Variants in ERP27 observed in about 807,000 individuals in gnomAD.
The protein encoded by ERP27 is endoplasmic reticulum resident protein 27.
A neutral mutation model predicts 27.7 loss-of-function variants in ERP27; 23 were observed. The observed-to-expected ratio is 0.83, with a 90% confidence interval of 0.60 to 1.18. The LOEUF is 1.18. Among genes scored for constraint, ERP27 ranks in the 50% most tolerant of loss-of-function variants. The pLI, the probability that ERP27 is intolerant of heterozygous loss-of-function variation, is 0.00. For missense variants in ERP27, 363 were observed against 327.9 expected, an observed-to-expected ratio of 1.11 and a Z score of -0.83; for synonymous variants, 159 against 118.3, an observed-to-expected ratio of 1.34 and a Z score of -2.23.
At chr12:14,921,394 T>C (rs1863501511) in intron 3 of ERP27, among the ~76,000 whole-genome samples, 2 of 152,170 alleles carry the variant, frequency 1.3e-5, no homozygotes, top group African/African-American at 4.8e-5. Flanking sequence ...GAACAGCATA[T>C]GAAAATACTG....
intron 3 of ERP27, among the ~76,000 whole-genome samples, chr12:14,934,182 C>T (rs572452979): frequency 5.2e-4 from 79 of 152,188 alleles, no homozygotes; most frequent in Non-Finnish European, 6.8e-4. Context: ...AGTTTTTTCC[C>T]GTTGGCCATG....
chr12:14,933,733 G>T (rs888242595), intron 3 of ERP27, among the ~76,000 whole-genome samples: 5 of 152,060 alleles, frequency 3.3e-5, no homozygotes, highest in Admixed American at 6.6e-5. Context: ...CCCTATTTCT[G>T]CACATGACCT....
intron 3 of ERP27, among the ~76,000 whole-genome samples, chr12:14,932,507 G>A (rs1255631881): frequency 6.6e-6 from 1 of 152,204 alleles, no homozygotes; most frequent in Non-Finnish European, 1.5e-5. Flanking sequence ...AAAGCCCAGG[G>A]TGGAAGCTGG....
chr12:14,936,869 G>T (rs11056247), intron 2 of ERP27, among the ~76,000 whole-genome samples: 50,743 of 151,858 alleles, frequency 0.33, 8,810 homozygotes, highest in Middle Eastern at 0.42. Flanking sequence ...ATCCAGTTTT[G>T]GGTATGTCTT....
At chr12:14,923,028 C>T (rs935084665) in intron 3 of ERP27, among the ~76,000 whole-genome samples, 2 of 146,696 alleles carry the variant, frequency 1.4e-5, no homozygotes, top group South Asian at 2.1e-4. Context: ...GAGCCGAGAA[C>T]GTGCCATTGC....
At chr12:14,920,187 T>C (rs188372835) in intron 4 of ERP27, among the ~76,000 whole-genome samples, 1 of 152,318 alleles carries the variant, frequency 6.6e-6, no homozygotes, top group African/African-American at 2.4e-5. Context: ...TAGAAAGTGT[T>C]AGAAGTCCAT....
intron 3 of ERP27, among the ~76,000 whole-genome samples, chr12:14,933,455 G>A (rs1863727616): frequency 6.6e-6 from 1 of 152,146 alleles, no homozygotes; most frequent in African/African-American, 2.4e-5. Context: ...TGGAAGCCAT[G>A]CAGACCTGGA....
At chr12:14,925,177 C>G (rs548213813) in intron 3 of ERP27, among the ~76,000 whole-genome samples, 9 of 152,296 alleles carry the variant, frequency 5.9e-5, no homozygotes, top group South Asian at 4.1e-4. Context: ...TGAATTCTTT[C>G]TTTCGCAAGA....
At chr12:14,931,575 G>A (rs1311708823) in intron 3 of ERP27, among the ~76,000 whole-genome samples, 1 of 152,232 alleles carries the variant, frequency 6.6e-6, no homozygotes, top group East Asian at 1.9e-4. Flanking sequence ...GCCCACAGAG[G>A]TCCCAAGAGT....
At chr12:14,924,039 C>T (rs1470725011) in intron 3 of ERP27, among the ~76,000 whole-genome samples, 5 of 152,150 alleles carry the variant, frequency 3.3e-5, no homozygotes, top group South Asian at 2.1e-4. Flanking sequence ...CTTCCCCCTC[C>T]GCTCCCCAGC....
chr12:14,920,850 G>A, intron 4 of ERP27, 82 bp downstream of exon 4: 1 of 1,003,156 alleles, frequency 1.0e-6, no homozygotes, highest in Non-Finnish European at 1.6e-6. Flanking sequence ...GGAACTCTGG[G>A]AGGAAGAGAC....
Position 14,926,083 on chromosome 12 carries a change from G to T in ERP27, c.334-5035C>A, listed in dbSNP as rs536406040. On this transcript the variant is annotated intron_variant, in intron 3 of 6. Transcript: ENST00000266397. ...GACTCTGTCTCCAAAAAAAAAAAAG[G>T]TGTTAAATTTTTCTATTATGTTGTG... 4.6e-5 allele frequency among the ~76,000 whole-genome samples: 7 copies of T among 151,962 alleles called. No individual in the cohort carries two copies. The East Asian group carries it at 9.6e-4, about 21-fold the overall frequency.
At position 14,914,780 on chromosome 12, in the gene ERP27, T is replaced by G. The variant is rs201092841; in HGVS notation, c.777A>C (p.Lys259Asn). 6.7e-5 allele frequency: 108 copies of G among 1,613,470 alleles called. 1 individual carries two copies. The East Asian group carries it at 9.8e-4, about 15-fold the overall frequency. Residue 259 changes from lysine to asparagine, a missense_variant and splice_region_variant, in exon 7 of 7, where the codon AAA (lysine) becomes AAC (asparagine). Lys to Asn is a moderately conservative substitution (Grantham distance 94). Coordinates refer to ENST00000266397, the MANE Select transcript of ERP27 (RefSeq NM_152321.4). ...TCTTTCCTTCTGATTCACGATTTTC[T>G]TTCTGGAAAACATTATAACAATGAT... ...CDGFLSGKLLKENRESEGKTP... is the reference protein window; with the variant it reads ...CDGFLSGKLLNENRESEGKTP...
chr12:14,928,241 C>T (rs952535779), intron 3 of ERP27, among the ~76,000 whole-genome samples: 3 of 152,138 alleles, frequency 2.0e-5, no homozygotes, highest in African/African-American at 7.2e-5. Context: ...TCCTAGTCTA[C>T]CCAGTAAGAT....
At chr12:14,928,672 AT>A (rs1462525379) in intron 3 of ERP27, among the ~76,000 whole-genome samples, 1 of 152,190 alleles carries the variant, frequency 6.6e-6, no homozygotes, top group Non-Finnish European at 1.5e-5. Flanking sequence ...CTAAAAAAGA[AT>A]TTTGAAACAA....
At chr12:14,927,492 G>A (rs1474868808) in intron 3 of ERP27, among the ~76,000 whole-genome samples, 1 of 93,180 alleles carries the variant, frequency 1.1e-5, no homozygotes, top group Non-Finnish European at 2.4e-5. Context: ...CAAAGGGGAT[G>A]TGAAAGGTGT....
At chr12:14,925,262 T>C (rs1863583143) in intron 3 of ERP27, among the ~76,000 whole-genome samples, 1 of 152,184 alleles carries the variant, frequency 6.6e-6, no homozygotes, top group South Asian at 2.1e-4. Flanking sequence ...TGGAAGGAAC[T>C]ATAGTGAGGA....
At chr12:14,930,717 T>C (rs1001301205) in intron 3 of ERP27, among the ~76,000 whole-genome samples, 4 of 152,270 alleles carry the variant, frequency 2.6e-5, no homozygotes, top group Non-Finnish European at 5.9e-5. Context: ...GTTGCATAAA[T>C]ACAGCACTGG....
At chr12:14,917,141 G>T (rs758383916) in intron 5 of ERP27, 37 bp downstream of exon 5, 2 of 1,612,940 alleles carry the variant, frequency 1.2e-6, no homozygotes, top group Middle Eastern at 1.7e-4. Context: ...TGTCCTGGAG[G>T]TGTGTATGCA....
Sources: gnomAD v4.1 joint callset for allele counts (sites outside exome capture counted in the v4.1 genomes callset) on GRCh38, gnomAD v4.1.1 for gene constraint, MANE v1.5 for transcripts, NCBI Gene and HGNC (gene_info 2026-07-23, HGNC 2026-07-21) for gene names.